CATSPERG: variants seen among roughly 807,000 people sequenced by gnomAD.
The protein encoded by CATSPERG is catsper channel auxiliary subunit gamma, also known as cation channel sperm-associated auxiliary subunit gamma.
A neutral mutation model predicts 145.0 loss-of-function variants in CATSPERG; 115 were observed. The ratio of observed to expected loss-of-function variants is 0.79; its 90% CI spans 0.68 to 0.93. The LOEUF (loss-of-function observed/expected upper bound fraction) is 0.93. Among genes scored for constraint, CATSPERG ranks in the 40% least tolerant of loss-of-function variants. The probability of loss-of-function intolerance (pLI) is 0.00; values close to 1 mark genes in which losing one functional copy is unlikely to be tolerated. For synonymous variants in CATSPERG, 588 were observed against 589.0 expected (o/e 1.00, Z 0.02); for missense variants, 1,296 against 1,490.1 (o/e 0.87, Z 2.14).
intron 7 of CATSPERG, 70 bp from the exon 8 acceptor site, chr19:38,352,191 C>T: frequency 6.8e-7 from 1 of 1,463,122 alleles, no homozygotes; most frequent in Non-Finnish European, 9.3e-7. Flanking sequence ...GCAGGAGCTT[C>T]CCCGCAAGGC....
At chr19:38,365,000 C>T (rs373301875) in intron 21 of CATSPERG, 29 bp downstream of exon 21, 394 of 1,612,904 alleles carry the variant, frequency 2.4e-4, no homozygotes, top group Non-Finnish European at 3.1e-4. Context: ...GGGGAGGGTG[C>T]AGGATGGTGG....
intron 25 of CATSPERG, 63 bp from the exon 26 acceptor site, chr19:38,367,985 T>G: frequency 1.4e-6 from 2 of 1,469,788 alleles, no homozygotes; most frequent in Admixed American, 1.7e-5. Flanking sequence ...CACTGACCAC[T>G]GAGGTCATAC....
chr19:38,370,462 T>G (rs956601352), intron 28 of CATSPERG, 64 bp from the exon 29 acceptor site: 1 of 1,594,534 alleles, frequency 6.3e-7, no homozygotes, highest in Non-Finnish European at 8.6e-7. Context: ...TCACTGTGGA[T>G]GCAGATTGTG....
chr19:38,336,940 C>T (rs1969848441), intron 1 of CATSPERG: 4 of 518,014 alleles, frequency 7.7e-6, no homozygotes, highest in Admixed American at 3.2e-5. Context: ...CCACGAGGGT[C>T]GGGGGCAGGG....
chr19:38,338,565 CAGGCTGGA>C (rs1969883850), intron 3 of CATSPERG, among the ~76,000 whole-genome samples: 1 of 152,092 alleles, frequency 6.6e-6, no homozygotes, highest in Admixed American at 6.6e-5. Context: ...CTCTGTTACC[CAGGCTGGA>C]GTGCAATGGT....
At chr19:38,354,894 C>T (rs1398820472) in intron 9 of CATSPERG, 47 bp downstream of exon 9, 1 of 1,584,896 alleles carries the variant, frequency 6.3e-7, no homozygotes, top group Admixed American at 1.8e-5. Flanking sequence ...TCCATACCCT[C>T]TCTCACCTCC....
intron 13 of CATSPERG, 114 bp downstream of exon 13, chr19:38,358,675 G>A (rs12609258): frequency 0.092 from 119,626 of 1,299,634 alleles, 6,900 homozygotes; most frequent in East Asian, 0.25. Flanking sequence ...TTCAAAGGAT[G>A]CACAAATCCA....
intron 7 of CATSPERG, among the ~76,000 whole-genome samples, chr19:38,350,779 A>G (rs188931402): frequency 2.8e-4 from 42 of 152,286 alleles, no homozygotes; most frequent in African/African-American, 9.9e-4. Flanking sequence ...ACTTGAGCCT[A>G]CGAGTTCGAG....
In CATSPERG at chr19:38,370,390, C is replaced by G. The variant is rs1023062501; in HGVS notation, c.3213+132C>G. 1.9e-5 allele frequency: 27 copies of G among 1,404,108 alleles called. No individual in the cohort carries two copies. The East Asian group carries it at 2.7e-4, about 14-fold the overall frequency. The allele number at this position is 1,404,108 out of a possible 1,614,324, so 87.0% of individuals were successfully genotyped here. On this transcript the variant is annotated intron_variant, in intron 28 of 28. Transcript: ENST00000409235. ...CCATGCTGACTGAACGCCTGCCATG[C>G]CACAGGCTGTCTACTCATTCATTTC... is the stretch of plus-strand genomic sequence containing the variant.
chr19:38,370,324 G>T, intron 28 of CATSPERG, 66 bp downstream of exon 28: 1 of 1,492,988 alleles, frequency 6.7e-7, no homozygotes. Flanking sequence ...ACCTATGCTT[G>T]TTATACCTTC....
rs1296331809 is a variant in CATSPERG at position 38,370,717 on chromosome 19, C to G, written c.3405C>G (p.Gly1135=). ...CGTCTCTGAGACATTCCAGGATGGG[C>G]TCCATGTTCAGCTCCAGGATGACAG... ...SMPSLRHSRM[G]SMFSSRMTED... The change falls in exon 29 of 29, where the codon GGC becomes GGG. Residue 1135 remains glycine, a synonymous_variant. Coordinates refer to ENST00000409235, the MANE Select transcript of CATSPERG (RefSeq NM_021185.5). 3 of 1,613,916 alleles carry G rather than the reference C, an allele frequency of 1.9e-6. No homozygotes were observed. The highest frequency in any genetic ancestry group is 2.5e-6 in the Non-Finnish European group (3 of 1,179,992).
rs1810957502 is a variant in CATSPERG at position 38,364,877 on chromosome 19, T to G, written c.2476-14T>G. ...CACCCCTTCATTTCTGCCTCTCCCC[T>G]CCTTCAACCCCAGATTACGCTCAAG... On this transcript the variant is annotated splice_polypyrimidine_tract_variant and intron_variant, in intron 20 of 28. Transcript: ENST00000409235. The G allele has an allele frequency of 6.2e-6, 10 of 1,608,456 alleles. No individual in the cohort carries two copies. The highest frequency in any genetic ancestry group is 1.6e-4 in the Middle Eastern group (1 of 6,072).
intron 23 of CATSPERG, 60 bp from the exon 24 acceptor site, chr19:38,367,449 C>G: frequency 6.3e-7 from 1 of 1,582,740 alleles, no homozygotes; most frequent in Non-Finnish European, 8.6e-7. Context: ...CGTCTCGGTC[C>G]TCAGCTTCTC....
chr19:38,362,583 G>T lies in CATSPERG; in HGVS notation c.2356+9G>T, dbSNP rs755809178. On this transcript the variant is annotated intron_variant, in intron 19 of 28. Coordinates refer to ENST00000409235, the MANE Select transcript of CATSPERG (RefSeq NM_021185.5). The stretch of plus-strand genomic sequence containing the variant: ...GACGCAGTCAGAACTCGGTCTGCGC[G>T]GGACCAGAGTGGAGCCCGAAGGGCG... 10 of 1,613,714 alleles carry T rather than the reference G, an allele frequency of 6.2e-6. No individual in the cohort carries two copies. The highest frequency in any genetic ancestry group is 1.7e-6 in the Non-Finnish European group (2 of 1,179,910).
At chr19:38,352,810 A>C (rs565179384) in intron 8 of CATSPERG, among the ~76,000 whole-genome samples, 1 of 151,636 alleles carries the variant, frequency 6.6e-6, no homozygotes, top group Non-Finnish European at 1.5e-5. Context: ...CAAATCAGAA[A>C]GACAGAGCGG....
rs1198307590 is a variant in CATSPERG, at chr19:38,362,782, G to A, written c.2425G>A (p.Ala809Thr). 6.2e-7 allele frequency: 1 copy of A among 1,614,192 alleles called. No individual in the cohort carries two copies. The highest frequency in any genetic ancestry group is 2.2e-5 in the East Asian group (1 of 44,880). Residue 809 changes from alanine (A) to threonine (T), a missense_variant, in exon 20 of 29, where the codon GCC becomes ACC. Ala to Thr is a moderately conservative substitution (Grantham distance 58). Transcript: ENST00000409235. ...GCTGGCCGACCCCGGCTGCATCGAG[G>A]CCTCGGTGAAGCAGGAGGTCCTGAT... is the stretch of plus-strand genomic sequence containing the variant. ...VVLADPGCIE[A>T]SVKQEVLINR...
intron 1 of CATSPERG, 160 bp from the exon 2 acceptor site, chr19:38,337,061 A>G: frequency 1.2e-6 from 1 of 818,442 alleles, no homozygotes; most frequent in Non-Finnish European, 1.9e-6. Context: ...GAGCAAGAGC[A>G]GGGGCGGGAC....
chr19:38,368,956 C>A (rs556547381), intron 26 of CATSPERG, among the ~76,000 whole-genome samples: 1 of 152,300 alleles, frequency 6.6e-6, no homozygotes, highest in South Asian at 2.1e-4. Context: ...TGCCACCATG[C>A]CCGGTTAATT....
intron 22 of CATSPERG, chr19:38,365,632 A>C (rs1171052052): frequency 6.4e-6 from 1 of 156,408 alleles, no homozygotes; most frequent in African/African-American, 2.4e-5. Context: ...TGCAGGTTGC[A>C]CACAAACTGG....
Sources: allele counts gnomAD v4.1 joint callset (sites outside exome capture counted in the v4.1 genomes callset), GRCh38; gene constraint gnomAD v4.1.1; transcripts MANE v1.5; gene names NCBI Gene and HGNC (gene_info 2026-07-23, HGNC 2026-07-21).